The following OR13A1 variants were observed in gnomAD, a reference collection of about 807,000 sequenced individuals.
OR13A1 encodes the protein olfactory receptor 13A1.
Under a neutral mutation model 7.5 loss-of-function variants are expected in OR13A1, and 10 were observed. The ratio of observed to expected loss-of-function variants is 1.34; its 90% confidence interval spans 0.83 to 2.27. The LOEUF (loss-of-function observed/expected upper bound fraction) is 2.27, where lower values mean the gene tolerates loss of function less well. OR13A1 is among the 30% of genes most tolerant of loss of function. The probability of loss-of-function intolerance (pLI) is 0.00; values close to 1 mark genes in which losing one functional copy is unlikely to be tolerated. For synonymous variants in OR13A1, 238 were observed against 177.9 expected (o/e 1.34, Z -2.69); for missense variants, 509 against 419.1 (o/e 1.21, Z -1.87).
chr10:45,314,426 A>G (rs1838492225), intron 1 of OR13A1, among the ~76,000 whole-genome samples: 1 of 151,042 alleles, frequency 6.6e-6, no homozygotes, highest in South Asian at 2.1e-4. Context: ...GCAAGACCCC[A>G]TCTCCACAAC....
intron 3 of OR13A1, among the ~76,000 whole-genome samples, chr10:45,305,671 C>G (rs1175103344): frequency 1.3e-5 from 2 of 152,342 alleles, no homozygotes; most frequent in Non-Finnish European, 2.9e-5. Context: ...AGAACTCCAG[C>G]CATGCCCTGC....
intron 1 of OR13A1, among the ~76,000 whole-genome samples, chr10:45,312,345 G>A (rs35001574): frequency 0.076 from 11,574 of 151,732 alleles, 575 homozygotes; most frequent in East Asian, 0.18. Flanking sequence ...TTAAAAACAG[G>A]CAGAGTAAAA....
rs116488073 is a variant in OR13A1 at position 45,304,204 on chromosome 10, G to C, written c.219C>G (p.Leu73=). Residue 73 remains leucine, a synonymous_variant, in exon 4 of 4, where the codon CTC becomes CTG. Transcript: ENST00000553795. Reference sequence around the variant, plus strand: ...GTAAGAAAAAGTACATAGGAGCGTGGAGCCCAGGGTTGAACGTGATGGCCA... The same window carrying C: ...GTAAGAAAAAGTACATAGGAGCGTGCAGCCCAGGGTTGAACGTGATGGCCA... ...ITLAITFNPG[L]HAPMYFFLLN... The C allele has an allele frequency of 2.5e-6, 4 of 1,614,064 alleles. No individual in the cohort carries two copies. The highest frequency in any genetic ancestry group is 3.4e-6 in the Non-Finnish European group (4 of 1,180,050).
chr10:45,304,411 C>T lies in OR13A1; in HGVS notation c.12G>A (p.Trp4Ter), dbSNP rs1838287063. 3.1e-6 allele frequency: 5 copies of T among 1,612,004 alleles called. No individual in the cohort carries two copies. The highest frequency in any genetic ancestry group is 2.2e-5 in the East Asian group (1 of 44,878). ...CTGGGACTATCAGGTGACTCTCCAT[C>T]CACAGCTTCATGTGATTTCAGAGCT... MKL[W>*]MESHLIVPET... is the part of the protein sequence containing the mutation. Residue 4 changes from tryptophan (W) to a stop codon, truncating the protein, a stop_gained, in exon 4 of 4, where the codon TGG becomes TGA. Coordinates refer to ENST00000553795, the MANE Select transcript of OR13A1 (RefSeq NM_001004297.3). LOFTEE classifies it high-confidence loss of function.
chr10:45,304,222 G>T lies in OR13A1; in HGVS notation c.201C>A (p.Ile67=). The change falls in exon 4 of 4, where the codon ATC becomes ATA. Residue 67 remains isoleucine, a synonymous_variant. Coordinates refer to ENST00000553795, the MANE Select transcript of OR13A1 (RefSeq NM_001004297.3). Reference sequence around the variant, plus strand: ...GAGCGTGGAGCCCAGGGTTGAACGTGATGGCCAAGGTGATGAGGACATTAC... The same window carrying T: ...GAGCGTGGAGCCCAGGGTTGAACGTTATGGCCAAGGTGATGAGGACATTAC... ...LTGNVLITLA[I]TFNPGLHAPM... 1.9e-6 allele frequency: 3 copies of T among 1,614,214 alleles called. No individual in the cohort carries two copies. The highest frequency in any genetic ancestry group is 2.5e-6 in the Non-Finnish European group (3 of 1,180,036).
chr10:45,311,829 T>C (rs1290785247), intron 1 of OR13A1, among the ~76,000 whole-genome samples: 6 of 152,026 alleles, frequency 3.9e-5, no homozygotes. Flanking sequence ...GAACCTAAGG[T>C]AAAAGTTGTA....
chr10:45,306,377 C>T (rs1005959105), intron 3 of OR13A1, among the ~76,000 whole-genome samples: 1 of 151,546 alleles, frequency 6.6e-6, no homozygotes, highest in Non-Finnish European at 1.5e-5. Context: ...GGCGTGAACC[C>T]GGGAGGCGGA....
intron 3 of OR13A1, among the ~76,000 whole-genome samples, chr10:45,305,858 A>G (rs1838317568): frequency 6.6e-6 from 1 of 152,130 alleles, no homozygotes; most frequent in Non-Finnish European, 1.5e-5. Flanking sequence ...TTCCTCTGAT[A>G]CTGACTTCTA....
chr10:45,308,841 T>A (rs762646469), intron 1 of OR13A1: 5 of 152,220 alleles, frequency 3.3e-5, no homozygotes, highest in Non-Finnish European at 7.3e-5. Flanking sequence ...AAGATCAGTC[T>A]GAACAGGACT....
chr10:45,306,171 G>A (rs1019888822), intron 3 of OR13A1, among the ~76,000 whole-genome samples: 1 of 152,188 alleles, frequency 6.6e-6, no homozygotes, highest in African/African-American at 2.4e-5. Context: ...AGTTAAGGAA[G>A]AGGCTGGGCG....
chr10:45,314,237 A>T (rs1425905212), intron 1 of OR13A1, among the ~76,000 whole-genome samples: 2 of 152,136 alleles, frequency 1.3e-5, no homozygotes, highest in African/African-American at 4.8e-5. Flanking sequence ...ATGTACCAAA[A>T]TGTGTAAGAT....
chr10:45,312,416 T>C (rs1422627632), intron 1 of OR13A1, among the ~76,000 whole-genome samples: 1 of 151,706 alleles, frequency 6.6e-6, no homozygotes, highest in Non-Finnish European at 1.5e-5. Context: ...ATACAATCAG[T>C]ACAAGCAAGA....
intron 1 of OR13A1, among the ~76,000 whole-genome samples, chr10:45,312,812 A>G (rs1838466937): frequency 6.6e-6 from 1 of 152,166 alleles, no homozygotes; most frequent in South Asian, 2.1e-4. Context: ...CAAAAATATT[A>G]TATCCAGCAA....
In OR13A1 at chr10:45,303,726, T is replaced by C; in HGVS notation, c.697A>G (p.Ile233Val). Residue 233 changes from isoleucine (I) to valine (V), a missense_variant, in exon 4 of 4, where the codon ATC becomes GTC. Transcript: ENST00000553795. ...FYGIVNFLMT[I>V]ASYGFIVSSI... ...GAGACGATGAAGCCATAGGACGCGA[T>C]GGTCATCAGGAAGTTCACTATGCCG... 1.9e-6 allele frequency: 3 copies of C among 1,614,218 alleles called. No individual in the cohort carries two copies. The highest frequency in any genetic ancestry group is 1.7e-6 in the Non-Finnish European group (2 of 1,180,042).
At chr10:45,304,577 G>A in intron 3 of OR13A1, 143 bp from the exon 4 acceptor site, 2 of 664,708 alleles carry the variant, frequency 3.0e-6, no homozygotes, top group Non-Finnish European at 2.5e-6. Context: ...AAAAAGGCGT[G>A]AACACTCAGT....
Position 45,304,242 on chromosome 10 carries a change from C to A in OR13A1, c.181G>T (p.Val61Phe). 2 of 1,614,166 alleles carry A rather than the reference C, an allele frequency of 1.2e-6. No homozygotes were observed. The highest frequency in any genetic ancestry group is 1.7e-6 in the Non-Finnish European group (2 of 1,180,034). The change falls in exon 4 of 4, where the codon GTC (valine) becomes TTC (phenylalanine). Residue 61 changes from valine to phenylalanine, a missense_variant. Val to Phe is a conservative substitution (Grantham distance 50). Transcript: ENST00000553795. ...AACGTGATGGCCAAGGTGATGAGGA[C>A]ATTACCTGTGAGGGCCCCAGAGTAG... ...FLYSGALTGN[V>F]LITLAITFNP...
intron 1 of OR13A1, among the ~76,000 whole-genome samples, chr10:45,310,879 A>G (rs1838431375): frequency 6.6e-6 from 1 of 152,252 alleles, no homozygotes; most frequent in Non-Finnish European, 1.5e-5. Context: ...TGAATTAAAG[A>G]GTTATAATAT....
At chr10:45,307,050 C>T (rs924548174) in intron 3 of OR13A1, among the ~76,000 whole-genome samples, 12 of 152,154 alleles carry the variant, frequency 7.9e-5, no homozygotes, top group Admixed American at 6.5e-4. Context: ...TCTGCACTTC[C>T]GACTCATGTC....
In OR13A1 at chr10:45,304,309, G is replaced by T. The variant is rs746676588; in HGVS notation, c.114C>A (p.His38Gln). ...TEFILQGFSE[H>Q]PEYRVFLFSC... ...TGAATAAGAACACCCGGTATTCTGG[G>T]TGCTCCGAAAAGCCCTGCAGGATGA... Residue 38 changes from histidine to glutamine, a missense_variant, in exon 4 of 4, where the codon CAC (histidine) becomes CAA (glutamine). Physicochemically the swap from His to Gln is conservative, Grantham distance 24. Coordinates refer to ENST00000553795, the MANE Select transcript of OR13A1 (RefSeq NM_001004297.3). 2.5e-6 allele frequency: 4 copies of T among 1,614,150 alleles called. No homozygotes were observed. The Admixed American group carries it at 6.7e-5, about 27-fold the overall frequency.
Sources: allele counts gnomAD v4.1 joint callset (sites outside exome capture counted in the v4.1 genomes callset), GRCh38; gene constraint gnomAD v4.1.1; transcripts MANE v1.5; gene names NCBI Gene and HGNC (gene_info 2026-07-23, HGNC 2026-07-21).